Variants in DNAH9 observed in about 807,000 individuals in gnomAD.
DNAH9 encodes the protein dynein axonemal heavy chain 9, also known as DNAH9 variant protein.
DNAH9 carries 345 observed loss-of-function variants against 471.6 expected under a neutral mutation model. The ratio of observed to expected loss-of-function variants is 0.73; its 90% confidence interval spans 0.67 to 0.80. The LOEUF is 0.80. Among genes scored for constraint, DNAH9 ranks in the 30% least tolerant of loss-of-function variants. The pLI, the probability that DNAH9 is intolerant of heterozygous loss-of-function variation, is 0.00. For missense variants in DNAH9, 5,407 were observed against 5,609.2 expected (o/e 0.96, Z 1.15); for synonymous variants, 2,093 against 2,123.6 (o/e 0.99, Z 0.40).
At chr17:11,895,832 C>T (rs1973200525) in intron 59 of DNAH9, among the ~76,000 whole-genome samples, 1 of 152,184 alleles carries the variant, frequency 6.6e-6, no homozygotes, top group Admixed American at 6.5e-5. Context: ...ATGATTCCCT[C>T]GATATCCGTC....
At chr17:11,840,907 G>A (rs1186921262) in intron 49 of DNAH9, among the ~76,000 whole-genome samples, 1 of 152,186 alleles carries the variant, frequency 6.6e-6, no homozygotes, top group African/African-American at 2.4e-5. Flanking sequence ...TTTAGGACTT[G>A]TGACCTCCAG....
At chr17:11,909,917 C>T (rs1597815329) in intron 61 of DNAH9, among the ~76,000 whole-genome samples, 3 of 152,320 alleles carry the variant, frequency 2.0e-5, no homozygotes, top group East Asian at 3.9e-4. Context: ...ATCTCACCAC[C>T]TTCCCAGGCC....
chr17:11,651,456 C>T, intron 13 of DNAH9, 132 bp downstream of exon 13: 2 of 888,318 alleles, frequency 2.3e-6, no homozygotes, highest in Non-Finnish European at 3.4e-6. Flanking sequence ...TCCTTTGACA[C>T]ATATCCAAGC....
rs747818573 is a variant in DNAH9, at chr17:11,883,637, G to A, written c.10858G>A (p.Glu3620Lys). The change falls in exon 56 of 69, where the codon GAA becomes AAA. Residue 3620 changes from glutamate (E) to lysine (K), a missense_variant. This residue lies in a region of DNAH9 where 4,636 missense variants were observed against 4,900.3 expected (regional missense o/e 0.95). Coordinates refer to ENST00000262442, the MANE Select transcript of DNAH9 (RefSeq NM_001372.4). ...ATTCAAAATTACCCTGAAAACGTTG[G>A]AAGACAGTCTTCTCTCTCGCCTCTC... The part of the protein sequence containing the change: ...NGFKITLKTL[E>K]DSLLSRLSSA... The A allele has an allele frequency of 3.1e-6, 5 of 1,614,128 alleles. No individual in the cohort carries two copies. Among genetic ancestry groups the A allele is most frequent in the African/African-American group, 2.7e-5 (2 of 75,038 alleles).
chr17:11,883,191 G>T, intron 55 of DNAH9: 1 of 993,944 alleles, frequency 1.0e-6, no homozygotes, highest in Non-Finnish European at 1.2e-6. Flanking sequence ...TAGGAGAGTT[G>T]TTCATTAAAG....
intron 38 of DNAH9, among the ~76,000 whole-genome samples, chr17:11,776,830 C>A (rs1372311669): frequency 6.6e-6 from 1 of 152,110 alleles, no homozygotes; most frequent in African/African-American, 2.4e-5. Flanking sequence ...GGTAGTCATG[C>A]ACAAACCACA....
chr17:11,711,086 A>T (rs2074819632), intron 26 of DNAH9, among the ~76,000 whole-genome samples: 1 of 152,140 alleles, frequency 6.6e-6, no homozygotes. Context: ...AGGAAGATAG[A>T]CCCTCTCTTG....
chr17:11,636,916 G>T (rs563453410), intron 9 of DNAH9, 132 bp downstream of exon 9: 18 of 837,610 alleles, frequency 2.1e-5, no homozygotes, highest in Non-Finnish European at 3.1e-5. Context: ...CAACCTTCTT[G>T]CTTGAAATTC....
chr17:11,949,667 G>C (rs1023856621), intron 67 of DNAH9, among the ~76,000 whole-genome samples: 1 of 152,122 alleles, frequency 6.6e-6, no homozygotes, highest in Non-Finnish European at 1.5e-5. Context: ...TTTCAGTAGA[G>C]AGGGGGTTTC....
chr17:11,768,334 G>C (rs1229106844), intron 36 of DNAH9, 119 bp from the exon 37 acceptor site: 5 of 1,030,270 alleles, frequency 4.9e-6, no homozygotes, highest in Non-Finnish European at 7.2e-6. Flanking sequence ...CTAGCCGGCA[G>C]GCCCACACAG....
chr17:11,756,697 A>T lies in DNAH9; in HGVS notation c.6847+21A>T, dbSNP rs570011118. On this transcript the variant is annotated intron_variant, in intron 34 of 68. Coordinates refer to ENST00000262442, the MANE Select transcript of DNAH9 (RefSeq NM_001372.4). ...AGCAGGTACGGCCCAAGAAGGGAAG[A>T]ACCACAAAGCTACTCCACTTAGGGA... 2.7e-6 allele frequency: 4 copies of T among 1,482,776 alleles called. No individual in the cohort carries two copies. The South Asian group carries it at 3.4e-5, about 13-fold the overall frequency. 91.9% of individuals were successfully genotyped at this position (1,482,776 alleles called of 1,614,324 possible). A position where few individuals can be genotyped will look rare whatever the true frequency, so the allele number is the denominator to read the frequency against.
chr17:11,859,118 A>G (rs1971734352), intron 50 of DNAH9, among the ~76,000 whole-genome samples: 1 of 149,686 alleles, frequency 6.7e-6, no homozygotes, highest in South Asian at 2.1e-4. Flanking sequence ...GTAATGACAC[A>G]AACTGCAGTT....
At chr17:11,924,910 C>T (rs1974267501) in intron 62 of DNAH9, among the ~76,000 whole-genome samples, 1 of 152,130 alleles carries the variant, frequency 6.6e-6, no homozygotes, top group African/African-American at 2.4e-5. Flanking sequence ...AGGCATGAGC[C>T]ACTGCGCCCA....
At chr17:11,959,567 A>C (rs1975905634) in intron 67 of DNAH9, among the ~76,000 whole-genome samples, 1 of 152,228 alleles carries the variant, frequency 6.6e-6, no homozygotes, top group Non-Finnish European at 1.5e-5. Flanking sequence ...TAAAGCAGAG[A>C]TTCCAAACAA....
At chr17:11,606,235 T>G (rs1243478225) in intron 1 of DNAH9, among the ~76,000 whole-genome samples, 1 of 152,138 alleles carries the variant, frequency 6.6e-6, no homozygotes, top group Non-Finnish European at 1.5e-5. Context: ...CCAGGTATTC[T>G]ATTTCACGGC....
chr17:11,810,177 G>T, intron 44 of DNAH9, 69 bp from the exon 45 acceptor site: 1 of 1,513,268 alleles, frequency 6.6e-7, no homozygotes, highest in South Asian at 1.3e-5. Flanking sequence ...CATTTCTAAA[G>T]AATGGGTTGG....
Position 11,961,976 on chromosome 17 carries a change from C to T in DNAH9, c.12953C>T (p.Ala4318Val). The T allele has an allele frequency of 6.2e-7, 1 of 1,614,180 alleles. No homozygotes were observed. Among genetic ancestry groups the T allele is most frequent in the Non-Finnish European group, 8.5e-7 (1 of 1,180,036 alleles). ...RRAYPSTAGL[A>V]AWFPDLLNRI... Reference sequence around the variant, plus strand: ...GCCTACCCTTCCACAGCAGGCCTGGCAGCCTGGTTTCCAGACCTCCTCAAC... The same window carrying T: ...GCCTACCCTTCCACAGCAGGCCTGGTAGCCTGGTTTCCAGACCTCCTCAAC... Residue 4318 changes from alanine (A) to valine (V), a missense_variant, in exon 68 of 69, where the codon GCA (alanine) becomes GTA (valine). This residue lies in a region of DNAH9 where 4,636 missense variants were observed against 4,900.3 expected (regional missense o/e 0.95). Transcript: ENST00000262442.
Position 11,866,545 on chromosome 17 carries a change from C to G in DNAH9, c.9934-2589C>G, listed in dbSNP as rs1390765427. ...ATGCTGGGAGAACCACTGCTCTCTT[C>G]AAAGCTGTCAGACAGAGACATTTAA... On this transcript the variant is annotated intron_variant, in intron 50 of 68. Coordinates refer to ENST00000262442, the MANE Select transcript of DNAH9 (RefSeq NM_001372.4). Among the ~76,000 whole-genome samples, 4 of 152,184 alleles carry G rather than the reference C, an allele frequency of 2.6e-5. No individual in the cohort carries two copies. In the East Asian group the frequency reaches 7.7e-4, roughly 29 times the overall value.
intron 50 of DNAH9, among the ~76,000 whole-genome samples, chr17:11,868,441 G>A (rs192896858): frequency 1.9e-4 from 29 of 152,188 alleles, no homozygotes; most frequent in African/African-American, 5.1e-4. Flanking sequence ...CAAAAGCTAC[G>A]TACTTCAATT....
Sources: gnomAD v4.1 joint callset for allele counts (sites outside exome capture counted in the v4.1 genomes callset) on GRCh38, gnomAD v4.1.1 for gene constraint, gnomAD v4.1.1 regional missense constraint, MANE v1.5 for transcripts, NCBI Gene and HGNC (gene_info 2026-07-23, HGNC 2026-07-21) for gene names.